The following SPSB1 variants were observed in gnomAD, a reference collection of about 807,000 sequenced individuals.
The protein encoded by SPSB1 is splA/ryanodine receptor domain and SOCS box containing 1, also known as SPRY domain-containing SOCS box protein 1.
In SPSB1, 8 loss-of-function variants were observed where a neutral mutation model predicts 21.2. The ratio of observed to expected loss-of-function variants is 0.38; its 90% CI spans 0.22 to 0.68. SPSB1 has a LOEUF of 0.68. SPSB1 is among the 30% of genes least tolerant of loss of function. The pLI is 0.53. For synonymous variants in SPSB1, 169 were observed against 161.7 expected, an observed-to-expected ratio of 1.05 and a Z score of -0.34; for missense variants, 242 against 377.8, an observed-to-expected ratio of 0.64 and a Z score of 2.98.
chr1:9,332,581 A>G (rs1304048334), intron 1 of SPSB1, among the ~76,000 whole-genome samples: 1 of 152,184 alleles, frequency 6.6e-6, no homozygotes, highest in Non-Finnish European at 1.5e-5. Flanking sequence ...CATGAGAGCA[A>G]AGGATCCCAC....
At chr1:9,309,196 C>T (rs1423829201) in intron 1 of SPSB1, among the ~76,000 whole-genome samples, 2 of 146,722 alleles carry the variant, frequency 1.4e-5, no homozygotes, top group Non-Finnish European at 3.0e-5. Context: ...CCATTCACCT[C>T]CAAAGTTGTT....
intron 1 of SPSB1, among the ~76,000 whole-genome samples, chr1:9,340,698 A>T (rs1305584457): frequency 1.3e-5 from 2 of 152,208 alleles, no homozygotes; most frequent in Non-Finnish European, 2.9e-5. Flanking sequence ...CCTGCCACCG[A>T]GGGGCGTGGG....
Position 9,346,320 on chromosome 1 carries a change from T to C in SPSB1, c.-149-9423T>C, listed in dbSNP as rs938867914. 2.0e-5 allele frequency among the ~76,000 whole-genome samples: 3 copies of C among 152,204 alleles called. No individual in the cohort carries two copies. Among genetic ancestry groups the C allele is most frequent in the African/African-American group, 7.2e-5 (3 of 41,462 alleles). On this transcript the variant is annotated intron_variant, in intron 1 of 2. Transcript: ENST00000328089. This position sits in a 1 kb window ranked among gnomAD's most constrained non-coding sequence, Gnocchi z 4.4. ...GGGCAAAACAATGGTTTTACTGTTC[T>C]GGGGTCAGTCGGACACACTGTGGAG... is the stretch of plus-strand genomic sequence containing the variant.
At chr1:9,342,779 G>A (rs935807772) in intron 1 of SPSB1, among the ~76,000 whole-genome samples, 3 of 152,220 alleles carry the variant, frequency 2.0e-5, no homozygotes, top group Non-Finnish European at 2.9e-5. Flanking sequence ...AGCAAGGGCT[G>A]CCAAACCACA....
intron 1 of SPSB1, among the ~76,000 whole-genome samples, chr1:9,322,612 C>T (rs1200194063): frequency 6.6e-6 from 1 of 152,088 alleles, no homozygotes; most frequent in African/African-American, 2.4e-5. Context: ...GGCATCGTTG[C>T]GGACAGAGGT....
chr1:9,361,171 T>TTTTTTTG (rs1640470757), intron 2 of SPSB1, among the ~76,000 whole-genome samples: 1 of 143,398 alleles, frequency 7.0e-6, no homozygotes, highest in African/African-American at 2.6e-5. Context: ...TTTTTTTTTT[T>TTTTTTTG]TTTTTTTTTT....
At chr1:9,355,193 C>G (rs986332460) in intron 1 of SPSB1, among the ~76,000 whole-genome samples, 1 of 152,180 alleles carries the variant, frequency 6.6e-6, no homozygotes, top group Non-Finnish European at 1.5e-5. Flanking sequence ...TCCAGCTGCA[C>G]CAGAAGGCCC....
intron 1 of SPSB1, among the ~76,000 whole-genome samples, chr1:9,315,256 C>G (rs563676201): frequency 6.6e-6 from 1 of 152,322 alleles, no homozygotes; most frequent in Non-Finnish European, 1.5e-5. Flanking sequence ...TCAGCAGATT[C>G]CACTGCGACA....
chr1:9,313,139 G>T (rs1417071743), intron 1 of SPSB1, among the ~76,000 whole-genome samples: 1 of 152,250 alleles, frequency 6.6e-6, no homozygotes, highest in African/African-American at 2.4e-5. Flanking sequence ...GCTCATGCCA[G>T]TAATCCCAGC....
At position 9,367,607 on chromosome 1, in the gene SPSB1, A is replaced by G; in HGVS notation, c.*32A>G. 6.4e-7 allele frequency: 1 copy of G among 1,562,468 alleles called. No homozygotes were observed. Among genetic ancestry groups the G allele is most frequent in the Non-Finnish European group, 8.7e-7 (1 of 1,151,994 alleles). On this transcript the variant is annotated 3_prime_UTR_variant, in exon 3 of 3. Transcript: ENST00000328089. This position sits in a 1 kb window ranked among gnomAD's most constrained non-coding sequence, Gnocchi z 5.9. ...CCATCATACCGCCAGCGCGACAGCC[A>G]CCTGGTGCCAACTCACTGAGCCGCC...
At chr1:9,310,628 G>A (rs1391250285) in intron 1 of SPSB1, among the ~76,000 whole-genome samples, 5 of 152,044 alleles carry the variant, frequency 3.3e-5, no homozygotes, top group South Asian at 2.1e-4. Context: ...TTGGGAGGTC[G>A]AGGCTGCAGT....
At chr1:9,308,371 C>A (rs911371949) in intron 1 of SPSB1, among the ~76,000 whole-genome samples, 9 of 152,282 alleles carry the variant, frequency 5.9e-5, no homozygotes, top group African/African-American at 2.2e-4. Context: ...GCCCCCGGAG[C>A]CACGGTGCCC....
At chr1:9,310,072 G>C (rs1639491832) in intron 1 of SPSB1, among the ~76,000 whole-genome samples, 1 of 125,644 alleles carries the variant, frequency 8.0e-6, no homozygotes, top group African/African-American at 2.8e-5. Flanking sequence ...ATGGTGAGGG[G>C]CCTGTGATGA....
intron 1 of SPSB1, among the ~76,000 whole-genome samples, chr1:9,316,276 A>C (rs566314823): frequency 5.3e-5 from 8 of 152,254 alleles, no homozygotes; most frequent in Non-Finnish European, 8.8e-5. Flanking sequence ...CCTGTGGGTG[A>C]GTCACCTGCT....
At chr1:9,295,217 AGTGTGT>A (rs5772365) in intron 1 of SPSB1, among the ~76,000 whole-genome samples, 2,904 of 148,612 alleles carry the variant, frequency 0.02, 87 homozygotes, top group African/African-American at 0.066. Flanking sequence ...TGAGAGTGTG[AGTGTGT>A]GTGTGTGTGT....
At chr1:9,307,065 T>C (rs530335033) in intron 1 of SPSB1, among the ~76,000 whole-genome samples, 64 of 152,106 alleles carry the variant, frequency 4.2e-4, no homozygotes, top group Middle Eastern at 6.8e-3. Context: ...GTAGCTGGGA[T>C]TACAGGCACG....
intron 1 of SPSB1, among the ~76,000 whole-genome samples, chr1:9,306,366 T>C (rs531796): frequency 0.66 from 100,715 of 152,022 alleles, 33,697 homozygotes; most frequent in East Asian, 0.8. Context: ...CTTTGTGATG[T>C]CCAGCCTGGA....
At chr1:9,311,479 G>T (rs549796114) in intron 1 of SPSB1, among the ~76,000 whole-genome samples, 2 of 152,078 alleles carry the variant, frequency 1.3e-5, no homozygotes, top group Admixed American at 6.6e-5. Flanking sequence ...ACAAATATTC[G>T]CTGGTCTCTT....
At chr1:9,334,534 T>G (rs911574771) in intron 1 of SPSB1, among the ~76,000 whole-genome samples, 4 of 152,234 alleles carry the variant, frequency 2.6e-5, no homozygotes, top group African/African-American at 4.8e-5. Flanking sequence ...TTTACCATTT[T>G]AAAACCATTT....
Sources: gnomAD v4.1 joint callset for allele counts (sites outside exome capture counted in the v4.1 genomes callset) on GRCh38, gnomAD v4.1.1 for gene constraint, Gnocchi (gnomAD v3.1) non-coding constraint, MANE v1.5 for transcripts, NCBI Gene and HGNC (gene_info 2026-07-23, HGNC 2026-07-21) for gene names.